The following GLYR1 variants were observed in gnomAD, a reference collection of about 807,000 sequenced individuals.
GLYR1 encodes glyoxylate reductase 1 homolog, also known as cytokine-like nuclear factor N-PAC.
Under a neutral mutation model 72.7 loss-of-function variants are expected in GLYR1, and 21 were observed. The observed-to-expected ratio is 0.29, with a 90% confidence interval of 0.20 to 0.42. The LOEUF is 0.42. Among genes scored for constraint, GLYR1 ranks in the 10% least tolerant of loss-of-function variants. The pLI, the probability that GLYR1 is intolerant of heterozygous loss-of-function variation, is 1.00. For synonymous variants in GLYR1, 392 were observed against 270.2 expected (o/e 1.45, Z -4.42); for missense variants, 594 against 712.1 (o/e 0.83, Z 1.89).
At chr16:4,828,080 A>T (rs571225607) in intron 5 of GLYR1, among the ~76,000 whole-genome samples, 388 of 150,656 alleles carry the variant, frequency 2.6e-3, no homozygotes, top group Middle Eastern at 6.9e-3. Flanking sequence ...ATATATATAT[A>T]TTTTTTTGAG....
At chr16:4,843,207 C>T (rs987891703) in intron 3 of GLYR1, among the ~76,000 whole-genome samples, 1 of 152,172 alleles carries the variant, frequency 6.6e-6, no homozygotes, top group Non-Finnish European at 1.5e-5. Flanking sequence ...CAGTCTGTCA[C>T]CCATGCTGGA....
intron 3 of GLYR1, among the ~76,000 whole-genome samples, chr16:4,838,679 G>A (rs913322553): frequency 3.3e-5 from 5 of 151,656 alleles, no homozygotes; most frequent in African/African-American, 9.7e-5. Flanking sequence ...CTCTGCCTCT[G>A]GGGTTCACGC....
intron 3 of GLYR1, among the ~76,000 whole-genome samples, chr16:4,840,521 C>G (rs900194837): frequency 1.3e-5 from 2 of 152,070 alleles, no homozygotes; most frequent in Admixed American, 6.6e-5. Context: ...ATATTCCTTT[C>G]TTTTCAAACA....
At chr16:4,830,806 G>A (rs1256713680) in intron 5 of GLYR1, among the ~76,000 whole-genome samples, 1 of 152,136 alleles carries the variant, frequency 6.6e-6, no homozygotes, top group Non-Finnish European at 1.5e-5. Context: ...ATCTCATCTT[G>A]CTAGCTCCTC....
At chr16:4,832,684 G>A (rs1269155359) in intron 4 of GLYR1, 90 bp downstream of exon 4, 25 of 1,393,688 alleles carry the variant, frequency 1.8e-5, no homozygotes, top group Admixed American at 2.3e-5. Context: ...GAAGAACAAA[G>A]GTTTGCGTTT....
rs1435565805 is a variant in GLYR1 at position 4,803,439 on chromosome 16, C to T, written c.*1797G>A. ...AGCTTTTTCACAAGTGTCACATTTT[C>T]TCCTTAAAAGGGAAGGATTTCAAAA... is the stretch of plus-strand genomic sequence containing the variant. On this transcript the variant is annotated 3_prime_UTR_variant, in exon 16 of 16. Coordinates refer to ENST00000321919, the MANE Select transcript of GLYR1 (RefSeq NM_032569.4). 1 of 152,618 alleles carries T rather than the reference C, an allele frequency of 6.6e-6. No individual in the cohort carries two copies. Among genetic ancestry groups the T allele is most frequent in the African/African-American group, 2.4e-5 (1 of 41,428 alleles). 9.5% of individuals were successfully genotyped at this position (152,618 alleles called of 1,614,324 possible). A position where few individuals can be genotyped will look rare whatever the true frequency, so the allele number is the denominator to read the frequency against.
At chr16:4,831,208 C>G (rs17630889) in intron 5 of GLYR1, among the ~76,000 whole-genome samples, 17,381 of 152,182 alleles carry the variant, frequency 0.11, 1,273 homozygotes, top group South Asian at 0.25. Context: ...CCTCTCACCT[C>G]TTTGCTTGCA....
At chr16:4,830,221 C>CTTTT (rs35409655) in intron 5 of GLYR1, among the ~76,000 whole-genome samples, 2 of 123,606 alleles carry the variant, frequency 1.6e-5, no homozygotes, top group Admixed American at 8.5e-5. Context: ...CCAACTTTGT[C>CTTTT]TTTTTTTTTT....
chr16:4,844,866 T>C (rs2085867822), intron 3 of GLYR1, among the ~76,000 whole-genome samples: 1 of 152,230 alleles, frequency 6.6e-6, no homozygotes, highest in South Asian at 2.1e-4. Context: ...AGTTCTTGCC[T>C]GACTTAGTTA....
chr16:4,847,157 C>A, intron 1 of GLYR1, 71 bp downstream of exon 1: 1 of 1,428,190 alleles, frequency 7.0e-7, no homozygotes, highest in South Asian at 1.2e-5. Context: ...GCTCCAGGGC[C>A]GGCAGCGAAC....
chr16:4,816,578 G>T (rs1165768876), intron 10 of GLYR1, among the ~76,000 whole-genome samples: 2 of 151,660 alleles, frequency 1.3e-5, no homozygotes, highest in African/African-American at 4.8e-5. Context: ...TTATTTTTTT[G>T]TTGTTGGGGA....
At position 4,823,927 on chromosome 16, in the gene GLYR1, G is replaced by A. The variant is rs764527265; in HGVS notation, c.538-20C>T. The stretch of plus-strand genomic sequence containing the variant: ...GAGATCCTATAGAGGGAGGGGCAGG[G>A]CATTTTAAAATCACATTCAAACCCC... On this transcript the variant is annotated intron_variant, in intron 5 of 15. Transcript: ENST00000321919. The A allele has an allele frequency of 3.1e-6, 5 of 1,600,034 alleles. No individual in the cohort carries two copies. The highest frequency in any genetic ancestry group is 4.3e-6 in the Non-Finnish European group (5 of 1,167,424).
At position 4,811,781 on chromosome 16, in the gene GLYR1, T is replaced by C. The variant is rs1433394796; in HGVS notation, c.1304A>G (p.Lys435Arg). 3.1e-6 allele frequency: 5 copies of C among 1,613,532 alleles called. No homozygotes were observed. Among genetic ancestry groups the C allele is most frequent in the Admixed American group, 1.7e-5 (1 of 59,912 alleles). ...GACCATGTTCACGATCAGCATCATC[T>C]TGGCTGCATTGCCCACTTCACCTGC... is the stretch of plus-strand genomic sequence containing the variant. ...FFLGEVGNAAKMMLIVNMVQG... is the reference protein window; with the variant it reads ...FFLGEVGNAARMMLIVNMVQG... The change falls in exon 14 of 16, where the codon AAG becomes AGG. Residue 435 changes from lysine to arginine, a missense_variant. Transcript: ENST00000321919.
intron 5 of GLYR1, among the ~76,000 whole-genome samples, chr16:4,824,884 C>T (rs2084280164): frequency 6.6e-6 from 1 of 152,150 alleles, no homozygotes; most frequent in African/African-American, 2.4e-5. Flanking sequence ...GCCTAAACTA[C>T]TCCTGAGGTT....
rs1214075592 is a variant in GLYR1, at chr16:4,804,889, G to A, written c.*347C>T. The stretch of plus-strand genomic sequence containing the variant: ...ATAAGACAAGCTCGGAAGAAAAAAA[G>A]CCAGGCAGCAGTTTCTGGGCAGCTT... On this transcript the variant is annotated 3_prime_UTR_variant, in exon 16 of 16. Coordinates refer to ENST00000321919, the MANE Select transcript of GLYR1 (RefSeq NM_032569.4). 3 of 302,230 alleles carry A rather than the reference G, an allele frequency of 9.9e-6. No individual in the cohort carries two copies. The highest frequency in any genetic ancestry group is 7.1e-5 in the South Asian group (1 of 14,078). The allele number at this position is 302,230 out of a possible 1,614,324, so 18.7% of individuals were successfully genotyped here. A position where few individuals can be genotyped will look rare whatever the true frequency, so the allele number is the denominator to read the frequency against.
intron 6 of GLYR1, 63 bp from the exon 7 acceptor site, chr16:4,822,994 C>T (rs2084138333): frequency 7.5e-7 from 1 of 1,330,530 alleles, no homozygotes; most frequent in South Asian, 1.2e-5. Context: ...TTCCTTCTCC[C>T]TGGTAACTGG....
chr16:4,817,255 G>A (rs2083702847), intron 10 of GLYR1, among the ~76,000 whole-genome samples: 1 of 151,778 alleles, frequency 6.6e-6, no homozygotes, highest in African/African-American at 2.4e-5. Context: ...GAGCAGCTGG[G>A]ACTACAGGTG....
chr16:4,823,079 G>A lies in GLYR1; in HGVS notation c.625-148C>T. The A allele has an allele frequency of 1.1e-5, 8 of 712,244 alleles. No individual in the cohort carries two copies. In the South Asian group the frequency reaches 1.4e-4, roughly 13 times the overall value. The allele number at this position is 712,244 out of a possible 1,614,324, so 44.1% of individuals were successfully genotyped here. Reference sequence around the variant, plus strand: ...TGTCTGGAAACTCTTTTCCCATTTTGGCCTAAGCCTTTTTATAAAAACAAG... The same window carrying A: ...TGTCTGGAAACTCTTTTCCCATTTTAGCCTAAGCCTTTTTATAAAAACAAG... On this transcript the variant is annotated intron_variant, in intron 6 of 15. Transcript: ENST00000321919.
chr16:4,811,022 T>G, intron 15 of GLYR1, 148 bp downstream of exon 15: 1 of 971,540 alleles, frequency 1.0e-6, no homozygotes, highest in Non-Finnish European at 1.5e-6. Flanking sequence ...GGAGAATTGC[T>G]TGAAACCAGG....
Sources: allele counts gnomAD v4.1 joint callset (sites outside exome capture counted in the v4.1 genomes callset), GRCh38; gene constraint gnomAD v4.1.1; transcripts MANE v1.5; gene names NCBI Gene and HGNC (gene_info 2026-07-23, HGNC 2026-07-21).